Variants in CUX1 observed in about 807,000 individuals in gnomAD.
The protein encoded by CUX1 is protein CASP.
A neutral mutation model predicts 158.8 loss-of-function variants in CUX1; 31 were observed. That is an observed-to-expected ratio of 0.20 (90% CI 0.15 to 0.26). The LOEUF is 0.26. Among genes scored for constraint, CUX1 ranks in the 10% least tolerant of loss-of-function variants. The pLI is 1.00. For synonymous variants in CUX1, 879 were observed against 862.1 expected, an observed-to-expected ratio of 1.02 and a Z score of -0.34; for missense variants, 1,589 against 2,014.6, an observed-to-expected ratio of 0.79 and a Z score of 4.04.
intron 11 of CUX1, among the ~76,000 whole-genome samples, chr7:102,181,794 C>T (rs1033830773): frequency 2.0e-5 from 3 of 152,148 alleles, no homozygotes; most frequent in African/African-American, 7.2e-5. Flanking sequence ...TTCCTCTCGC[C>T]CCAAAGGAAT....
At chr7:102,031,635 G>A (rs1211962756) in intron 3 of CUX1, among the ~76,000 whole-genome samples, 2 of 151,976 alleles carry the variant, frequency 1.3e-5, no homozygotes, top group African/African-American at 4.8e-5. Flanking sequence ...TATTTATCAA[G>A]CCTCCGCTAA....
chr7:102,177,945 T>G (rs545626334), intron 10 of CUX1, among the ~76,000 whole-genome samples: 1 of 152,294 alleles, frequency 6.6e-6, no homozygotes, highest in African/African-American at 2.4e-5. Flanking sequence ...CAGGCTGAAG[T>G]GCAGTGGTAC....
chr7:102,194,777 C>T (rs1390440663), intron 13 of CUX1, among the ~76,000 whole-genome samples: 1 of 151,628 alleles, frequency 6.6e-6, no homozygotes, highest in Non-Finnish European at 1.5e-5. Flanking sequence ...AATCCCAGCA[C>T]TTTGGGAGGC....
intron 1 of CUX1, among the ~76,000 whole-genome samples, chr7:101,906,014 CAG>C (rs1364701428): frequency 6.6e-6 from 1 of 150,550 alleles, no homozygotes; most frequent in Non-Finnish European, 1.5e-5. Flanking sequence ...TCTGGAGAGA[CAG>C]GGTGTTACTA....
intron 1 of CUX1, among the ~76,000 whole-genome samples, chr7:101,860,867 TG>T (rs1797384816): frequency 1.3e-5 from 2 of 151,506 alleles, no homozygotes; most frequent in African/African-American, 4.9e-5. Flanking sequence ...AGTGCAGTGG[TG>T]CAGCCATAGC....
intron 2 of CUX1, among the ~76,000 whole-genome samples, chr7:101,978,430 G>T (rs188891962): frequency 6.6e-6 from 1 of 152,176 alleles, no homozygotes; most frequent in Non-Finnish European, 1.5e-5. Flanking sequence ...CAGCAAGCCC[G>T]TCCTTCCTCC....
intron 4 of CUX1, among the ~76,000 whole-genome samples, chr7:102,073,688 A>G (rs1490346289): frequency 1.3e-5 from 2 of 152,208 alleles, no homozygotes; most frequent in Non-Finnish European, 2.9e-5. Context: ...GTCCATGTAC[A>G]TGTACAAATT....
At chr7:102,022,335 C>T (rs989528873) in intron 2 of CUX1, among the ~76,000 whole-genome samples, 2 of 151,946 alleles carry the variant, frequency 1.3e-5, no homozygotes, top group Admixed American at 1.3e-4. Flanking sequence ...AATGGAAATA[C>T]GGCCAGACAC....
At chr7:101,877,722 C>A (rs1032241123) in intron 1 of CUX1, among the ~76,000 whole-genome samples, 1 of 149,288 alleles carries the variant, frequency 6.7e-6, no homozygotes, top group East Asian at 2.1e-4. Flanking sequence ...GTGTTTCTTA[C>A]ACTTTTCAAA....
intron 21 of CUX1, among the ~76,000 whole-genome samples, chr7:102,229,302 CTT>C (rs11348387): frequency 1.9e-3 from 234 of 120,888 alleles, no homozygotes; most frequent in Middle Eastern, 4.2e-3. Context: ...GGTGTTTCAT[CTT>C]TTTTTTTTTT....
intron 3 of CUX1, among the ~76,000 whole-genome samples, chr7:102,060,614 C>CACACACACAG (rs1824730308): frequency 7.2e-6 from 1 of 137,946 alleles, no homozygotes. Flanking sequence ...AATAAACACA[C>CACACACACAG]ACACACACAC....
chr7:102,237,473 GGT>G (rs1554533306), intron 22 of CUX1, among the ~76,000 whole-genome samples: 1 of 151,972 alleles, frequency 6.6e-6, no homozygotes. Flanking sequence ...TTTGAGACAG[GGT>G]CTCTCTATGT....
At chr7:102,104,257 G>T in intron 5 of CUX1, 79 bp from the exon 6 acceptor site, 2 of 1,405,950 alleles carry the variant, frequency 1.4e-6, no homozygotes, top group Non-Finnish European at 1.9e-6. Context: ...ATCCTACCAG[G>T]TTATGAGAGC....
At chr7:102,044,666 TC>T (rs1291350360) in intron 3 of CUX1, among the ~76,000 whole-genome samples, 2 of 152,166 alleles carry the variant, frequency 1.3e-5, no homozygotes, top group Admixed American at 6.6e-5. Context: ...TAGCTGAATT[TC>T]CCCCTGCTTC....
At chr7:101,827,943 C>G (rs368672279) in intron 1 of CUX1, among the ~76,000 whole-genome samples, 9 of 143,400 alleles carry the variant, frequency 6.3e-5, no homozygotes, top group Non-Finnish European at 9.1e-5. Flanking sequence ...GAGGGGGAGT[C>G]GGGAGAAGCA....
intron 3 of CUX1, among the ~76,000 whole-genome samples, chr7:102,056,980 C>T (rs1334992255): frequency 4.6e-5 from 7 of 151,414 alleles, no homozygotes; most frequent in African/African-American, 1.7e-4. Context: ...CGGCTCACTG[C>T]AACCTCTGCC....
intron 10 of CUX1, among the ~76,000 whole-genome samples, chr7:102,173,485 T>G (rs925172932): frequency 6.6e-6 from 1 of 152,228 alleles, no homozygotes; most frequent in East Asian, 1.9e-4. Context: ...GAATGTCCCC[T>G]TGGCTCTGTT....
At chr7:102,117,118 C>T (rs543702658) in intron 8 of CUX1, among the ~76,000 whole-genome samples, 1 of 152,218 alleles carries the variant, frequency 6.6e-6, no homozygotes, top group East Asian at 1.9e-4. Context: ...GAAAGTTTGG[C>T]AGGGTGCAGT....
In CUX1 at chr7:102,251,720, A is replaced by C. The variant is rs1391766661; in HGVS notation, c.*2678A>C. ...GACGACTGTGGTGTCCTCTCCACAA[A>C]ACCCTCAAGGGACTTTTGTCATCAT... is the stretch of plus-strand genomic sequence containing the variant. On this transcript the variant is annotated 3_prime_UTR_variant, in exon 24 of 24. Transcript: ENST00000292535. 1.0e-6 allele frequency: 1 copy of C among 985,286 alleles called. No individual in the cohort carries two copies. Among genetic ancestry groups the C allele is most frequent in the Non-Finnish European group, 1.2e-6 (1 of 829,948 alleles). The allele number at this position is 985,286 out of a possible 1,614,324, so 61.0% of individuals were successfully genotyped here. A position where few individuals can be genotyped will look rare whatever the true frequency, so the allele number is the denominator to read the frequency against.
Sources: gnomAD v4.1 joint callset for allele counts (sites outside exome capture counted in the v4.1 genomes callset) on GRCh38, gnomAD v4.1.1 for gene constraint, MANE v1.5 for transcripts, NCBI Gene and HGNC (gene_info 2026-07-23, HGNC 2026-07-21) for gene names.